DGKB: variants seen among roughly 807,000 people sequenced by gnomAD.
DGKB encodes the protein 90 kDa diacylglycerol kinase.
Under a neutral mutation model 114.3 loss-of-function variants are expected in DGKB, and 67 were observed. The observed-to-expected ratio is 0.59, with a 90% CI of 0.48 to 0.72. The LOEUF is 0.72. Ranked by LOEUF, DGKB falls within the 30% of genes least tolerant of loss-of-function variation. The pLI is 0.00. For synonymous variants in DGKB, 398 were observed against 323.1 expected, an observed-to-expected ratio of 1.23 and a Z score of -2.49; for missense variants, 907 against 975.2, an observed-to-expected ratio of 0.93 and a Z score of 0.93.
At chr7:14,800,068 C>A (rs1381092115) in intron 2 of DGKB, among the ~76,000 whole-genome samples, 2 of 152,120 alleles carry the variant, frequency 1.3e-5, no homozygotes, top group Admixed American at 6.5e-5. Context: ...AGGTGTACAC[C>A]ACCGCGCCTG....
At chr7:14,628,221 A>T (rs1374386834) in intron 14 of DGKB, among the ~76,000 whole-genome samples, 1 of 152,136 alleles carries the variant, frequency 6.6e-6, no homozygotes, top group African/African-American at 2.4e-5. Context: ...TTATTACTCA[A>T]ATCATTGAAT....
intron 21 of DGKB, among the ~76,000 whole-genome samples, chr7:14,427,636 C>A (rs1827778608): frequency 6.6e-6 from 1 of 152,124 alleles, no homozygotes. Context: ...GGAGGACTCA[C>A]AATCATGGCA....
chr7:14,966,423 AGG>A (rs1787152086), intron 1 of DGKB, among the ~76,000 whole-genome samples: 1 of 150,888 alleles, frequency 6.6e-6, no homozygotes. Context: ...GGAAGTTTCA[AGG>A]GAATACACAC....
intron 2 of DGKB, among the ~76,000 whole-genome samples, chr7:14,775,675 TGAA>T (rs1410177641): frequency 3.3e-5 from 5 of 152,038 alleles, no homozygotes; most frequent in Non-Finnish European, 5.9e-5. Context: ...TGCCACCATG[TGAA>T]GAAGGATGTG....
At chr7:14,384,934 G>A (rs1820079984) in intron 21 of DGKB, among the ~76,000 whole-genome samples, 1 of 152,138 alleles carries the variant, frequency 6.6e-6, no homozygotes, top group African/African-American at 2.4e-5. Flanking sequence ...TCCATGGTAA[G>A]TGAGAACTCC....
At chr7:14,330,116 G>C (rs1334355739) in intron 23 of DGKB, among the ~76,000 whole-genome samples, 1 of 151,848 alleles carries the variant, frequency 6.6e-6, no homozygotes, top group Non-Finnish European at 1.5e-5. Context: ...AATATAGAAG[G>C]GTTTTAGAAT....
At chr7:14,968,539 T>C (rs1787293757) in intron 1 of DGKB, among the ~76,000 whole-genome samples, 1 of 152,186 alleles carries the variant, frequency 6.6e-6, no homozygotes, top group Non-Finnish European at 1.5e-5. Flanking sequence ...TTCCTGGGGT[T>C]CCTTTTTTGC....
chr7:14,550,580 T>C (rs532708001), intron 20 of DGKB, among the ~76,000 whole-genome samples: 1 of 152,292 alleles, frequency 6.6e-6, no homozygotes, highest in African/African-American at 2.4e-5. Flanking sequence ...AATTTCTTTA[T>C]GTCACAAAAC....
intron 23 of DGKB, among the ~76,000 whole-genome samples, chr7:14,286,686 T>G (rs1203497982): frequency 6.6e-6 from 1 of 152,282 alleles, no homozygotes; most frequent in African/African-American, 2.4e-5. Flanking sequence ...TCTTTCTGGA[T>G]AGGAAACTTT....
At chr7:14,539,292 A>C (rs1331756225) in intron 20 of DGKB, among the ~76,000 whole-genome samples, 2 of 152,154 alleles carry the variant, frequency 1.3e-5, no homozygotes, top group Non-Finnish European at 2.9e-5. Context: ...GTGTGGTTTC[A>C]TATTTTTGTA....
Position 14,254,213 on chromosome 7 carries a change from C to G in DGKB, c.2123-76062G>C, listed in dbSNP as rs908905664. 2.6e-5 allele frequency among the ~76,000 whole-genome samples: 4 copies of G among 152,302 alleles called. No individual in the cohort carries two copies. The South Asian group carries it at 8.3e-4, about 32-fold the overall frequency. On this transcript the variant is annotated intron_variant, in intron 23 of 25. Transcript: ENST00000402815. ...TTTGAGTTGAAAGCATTGTACCTGC[C>G]TTATACTCTCTTGCTACATCCGGAA...
At chr7:14,190,085 C>G (rs138088979) in intron 23 of DGKB, among the ~76,000 whole-genome samples, 6 of 152,252 alleles carry the variant, frequency 3.9e-5, no homozygotes, top group African/African-American at 1.4e-4. Flanking sequence ...CATCCAACAG[C>G]TTTAGAATAC....
At chr7:14,572,153 A>G (rs749525577) in intron 20 of DGKB, among the ~76,000 whole-genome samples, 17 of 151,992 alleles carry the variant, frequency 1.1e-4, no homozygotes, top group Non-Finnish European at 2.4e-4. Flanking sequence ...AAGAAACACC[A>G]TTTAAAGAAT....
At chr7:14,295,528 T>C (rs1802391108) in intron 23 of DGKB, among the ~76,000 whole-genome samples, 1 of 152,110 alleles carries the variant, frequency 6.6e-6, no homozygotes, top group Admixed American at 6.6e-5. Context: ...ATCTGTTTCC[T>C]GCCTGAGCTT....
intron 2 of DGKB, among the ~76,000 whole-genome samples, chr7:14,784,805 T>C (rs1839639962): frequency 6.6e-6 from 1 of 152,234 alleles, no homozygotes; most frequent in Non-Finnish European, 1.5e-5. Flanking sequence ...TTCATTATTT[T>C]ACCTCCTGTG....
chr7:14,718,627 C>A lies in DGKB; in HGVS notation c.381G>T (p.Thr127=). 1.2e-6 allele frequency: 2 copies of A among 1,611,838 alleles called. No individual in the cohort carries two copies. Among genetic ancestry groups the A allele is most frequent in the South Asian group, 1.1e-5 (1 of 90,932 alleles). ...TPPRTTSPAN[T]CSPEVIHLKD... is the part of the protein sequence containing the mutation. Reference sequence around the variant, plus strand: ...TCAGATGGATTACTTCTGGGGAACACGTATTTGCAGGAGAAGTAGTCCGGG... The same window carrying A: ...TCAGATGGATTACTTCTGGGGAACAAGTATTTGCAGGAGAAGTAGTCCGGG... Residue 127 remains threonine (T), a synonymous_variant, in exon 6 of 26, where the codon ACG becomes ACT. Coordinates refer to ENST00000402815, the MANE Select transcript of DGKB (RefSeq NM_001350709.2).
intron 1 of DGKB, among the ~76,000 whole-genome samples, chr7:14,887,389 C>A (rs1245469267): frequency 1.3e-5 from 2 of 151,784 alleles, no homozygotes; most frequent in African/African-American, 4.8e-5. Flanking sequence ...CTTAATTACT[C>A]TGCAGATTTC....
chr7:14,381,873 G>A (rs1437641456), intron 21 of DGKB, among the ~76,000 whole-genome samples: 2 of 152,170 alleles, frequency 1.3e-5, no homozygotes, highest in African/African-American at 2.4e-5. Flanking sequence ...TACAGTTTCA[G>A]TTTCCATCTG....
At chr7:14,473,805 C>A (rs1052614880) in intron 21 of DGKB, among the ~76,000 whole-genome samples, 3 of 152,166 alleles carry the variant, frequency 2.0e-5, no homozygotes, top group African/African-American at 7.2e-5. Context: ...TTTTACTGCC[C>A]CACTGGATTT....
Sources: gnomAD v4.1 joint callset for allele counts (sites outside exome capture counted in the v4.1 genomes callset) on GRCh38, gnomAD v4.1.1 for gene constraint, MANE v1.5 for transcripts, NCBI Gene and HGNC (gene_info 2026-07-23, HGNC 2026-07-21) for gene names.